The following RAB7A variants were observed in gnomAD, a reference collection of about 807,000 sequenced individuals.
RAB7A encodes the protein RAB7A, member RAS oncogene family.
In RAB7A, 2 loss-of-function variants were observed where a neutral mutation model predicts 24.5. That is an observed-to-expected ratio of 0.08 (90% confidence interval 0.03 to 0.26). RAB7A has a LOEUF of 0.26. Ranked by LOEUF, RAB7A falls within the 10% of genes least tolerant of loss-of-function variation. The probability of loss-of-function intolerance (pLI) is 1.00; values close to 1 mark genes in which losing one functional copy is unlikely to be tolerated. For synonymous variants in RAB7A, 100 were observed against 95.9 expected (o/e 1.04, Z -0.25); for missense variants, 118 against 255.7 (o/e 0.46, Z 3.67).
chr3:128,775,254 A>G (rs7621941), intron 1 of RAB7A, among the ~76,000 whole-genome samples: 1,816 of 152,294 alleles, frequency 0.012, 33 homozygotes, highest in African/African-American at 0.039. Context: ...TCAGATGGGA[A>G]CTGGTAGGCC....
intron 1 of RAB7A, among the ~76,000 whole-genome samples, chr3:128,770,274 T>C (rs2070872946): frequency 6.6e-6 from 1 of 152,148 alleles, no homozygotes; most frequent in South Asian, 2.1e-4. Context: ...GTGCTGGGAT[T>C]ACAGCACTGG....
rs747270770 is a variant in RAB7A at position 128,797,993 on chromosome 3, A to G, written c.104A>G (p.Asn35Ser). ...CAGTATGTGAATAAGAAATTCAGCA[A>G]TCAGTACAAAGCCACAATAGGAGCT... ...MNQYVNKKFS[N>S]QYKATIGADF... Residue 35 changes from asparagine (N) to serine (S), a missense_variant, in exon 3 of 6, where the codon AAT (asparagine) becomes AGT (serine). By Grantham distance (46) the Asn-to-Ser change is conservative. Transcript: ENST00000265062. 5 of 1,613,852 alleles carry G rather than the reference A, an allele frequency of 3.1e-6. No homozygotes were observed. The highest frequency in any genetic ancestry group is 4.2e-6 in the Non-Finnish European group (5 of 1,179,726).
At chr3:128,778,732 A>G (rs1933149421) in intron 1 of RAB7A, among the ~76,000 whole-genome samples, 1 of 152,248 alleles carries the variant, frequency 6.6e-6, no homozygotes, top group Non-Finnish European at 1.5e-5. Context: ...ATTTAAAGAA[A>G]TAAAAGGAGC....
chr3:128,787,288 T>C (rs1340524035), intron 1 of RAB7A, among the ~76,000 whole-genome samples: 1 of 152,260 alleles, frequency 6.6e-6, no homozygotes, highest in Non-Finnish European at 1.5e-5. Flanking sequence ...GTTGAACCTT[T>C]AGCATTTGTT....
intron 1 of RAB7A, among the ~76,000 whole-genome samples, chr3:128,776,945 T>TACACACACACACACACAC (rs71153145): frequency 7.0e-6 from 1 of 142,358 alleles, no homozygotes; most frequent in Non-Finnish European, 1.5e-5. Context: ...TTAGTTGAGC[T>TACACACACACACACACAC]ACACACACAC....
At chr3:128,739,444 C>T (rs2070527793) in intron 1 of RAB7A, among the ~76,000 whole-genome samples, 1 of 151,014 alleles carries the variant, frequency 6.6e-6, no homozygotes, top group African/African-American at 2.4e-5. Context: ...ACCTGAGAGG[C>T]AGAGGTTGCA....
intron 2 of RAB7A, among the ~76,000 whole-genome samples, chr3:128,795,793 C>G (rs1933559615): frequency 1.2e-5 from 1 of 86,342 alleles, no homozygotes; most frequent in Non-Finnish European, 2.4e-5. Flanking sequence ...GCTCTGTCGC[C>G]CAGGCTGGAG....
At chr3:128,805,852 A>G (rs1480111150) in intron 3 of RAB7A, among the ~76,000 whole-genome samples, 1 of 152,090 alleles carries the variant, frequency 6.6e-6, no homozygotes, top group Non-Finnish European at 1.5e-5. Context: ...GGGTTTCTCC[A>G]TGTTGGTCAG....
intron 1 of RAB7A, among the ~76,000 whole-genome samples, chr3:128,793,766 C>T (rs995130719): frequency 1.3e-5 from 2 of 152,144 alleles, no homozygotes; most frequent in African/African-American, 4.8e-5. Context: ...CTTATACTGC[C>T]CCTAACTAGC....
At chr3:128,798,652 T>C (rs1933628529) in intron 3 of RAB7A, among the ~76,000 whole-genome samples, 1 of 151,880 alleles carries the variant, frequency 6.6e-6, no homozygotes, top group Non-Finnish European at 1.5e-5. Context: ...TATTATTCCC[T>C]TTTTTTCCCC....
chr3:128,779,312 G>A (rs1933162719), intron 1 of RAB7A, among the ~76,000 whole-genome samples: 1 of 151,930 alleles, frequency 6.6e-6, no homozygotes, highest in African/African-American at 2.4e-5. Flanking sequence ...TACTCAGGAG[G>A]CTGAAGAGTT....
chr3:128,743,211 T>TC (rs2107587195), intron 1 of RAB7A, among the ~76,000 whole-genome samples: 1 of 152,174 alleles, frequency 6.6e-6, no homozygotes, highest in African/African-American at 2.4e-5. Flanking sequence ...AGCCGGCCAC[T>TC]CCGAGTGTGG....
intron 1 of RAB7A, chr3:128,749,348 T>C (rs1406051647): frequency 6.6e-6 from 1 of 152,250 alleles, no homozygotes; most frequent in East Asian, 1.9e-4. Context: ...TATACTTTGG[T>C]ATAGTCTCTG....
intron 1 of RAB7A, among the ~76,000 whole-genome samples, chr3:128,778,963 C>T (rs1175336930): frequency 6.6e-6 from 1 of 152,176 alleles, no homozygotes; most frequent in African/African-American, 2.4e-5. Context: ...ATCTAGTTCA[C>T]TGCATGATTT....
rs140685176 is a variant in RAB7A at position 128,813,342 on chromosome 3, C to A, written c.544C>A (p.Leu182Met). ...NALKQETEVE[L>M]YNEFPEPIKL... ...CCTTGTCCAGGAAACGGAGGTGGAGCTGTACAACGAATTTCCTGAACCTAT... is the reference window on the plus strand; with the variant it reads ...CCTTGTCCAGGAAACGGAGGTGGAGATGTACAACGAATTTCCTGAACCTAT... Residue 182 changes from leucine (L) to methionine (M), a missense_variant, in exon 6 of 6, where the codon CTG becomes ATG. This residue lies in a region of RAB7A where 66 missense variants were observed against 82.2 expected (regional missense o/e 0.80). Transcript: ENST00000265062. 16 of 1,614,006 alleles carry A rather than the reference C, an allele frequency of 9.9e-6. No individual in the cohort carries two copies. The highest frequency in any genetic ancestry group is 1.3e-5 in the Non-Finnish European group (15 of 1,179,966).
chr3:128,807,638 G>A lies in RAB7A; in HGVS notation c.495G>A (p.Ala165=), dbSNP rs146566121. ...AGGAGGCCATCAACGTGGAGCAGGC[G>A]TTCCAGACGATTGCACGGAATGCAC... ...SAKEAINVEQ[A]FQTIARNALK... is the part of the protein sequence containing the mutation. The change falls in exon 5 of 6, where the codon GCG becomes GCA. Residue 165 remains alanine, a synonymous_variant. Coordinates refer to ENST00000265062, the MANE Select transcript of RAB7A (RefSeq NM_004637.6). The A allele has an allele frequency of 8.3e-4, 1,338 of 1,614,216 alleles. 10 individuals carry two copies. In the African/African-American group the frequency reaches 0.011, roughly 13 times the overall value.
rs752640139 is a variant in RAB7A at position 128,796,835 on chromosome 3, TG to T, written c.54-1107del. Among the ~76,000 whole-genome samples, 3 of 152,086 alleles carry T rather than the reference TG, an allele frequency of 2.0e-5. No individual in the cohort carries two copies. In the East Asian group the frequency reaches 5.8e-4, roughly 29 times the overall value. ...GTGCTACCACTCCTGGTTAAATTTT[TG>T]TATTTTTTATAGAGACAGGGTTCTA... On this transcript the variant is annotated intron_variant, in intron 2 of 5. Transcript: ENST00000265062.
At chr3:128,811,655 T>C (rs1346342847) in intron 5 of RAB7A, among the ~76,000 whole-genome samples, 1 of 151,992 alleles carries the variant, frequency 6.6e-6, no homozygotes, top group Non-Finnish European at 1.5e-5. Context: ...TTTGAGACCA[T>C]CTTGGGCAAC....
At chr3:128,734,245 CAT>C (rs1345381123) in intron 1 of RAB7A, among the ~76,000 whole-genome samples, 1 of 152,042 alleles carries the variant, frequency 6.6e-6, no homozygotes, top group Non-Finnish European at 1.5e-5. Flanking sequence ...GCCTGGCCAA[CAT>C]AGCGAAACCC....
Sources: gnomAD v4.1 joint callset for allele counts (sites outside exome capture counted in the v4.1 genomes callset) on GRCh38, gnomAD v4.1.1 for gene constraint, gnomAD v4.1.1 regional missense constraint, MANE v1.5 for transcripts, NCBI Gene and HGNC (gene_info 2026-07-23, HGNC 2026-07-21) for gene names.